The following ERCC8 variants were observed in gnomAD, a reference collection of about 807,000 sequenced individuals.
ERCC8 encodes the protein ERCC excision repair 8, CSA ubiquitin ligase complex subunit, also known as DNA excision repair protein ERCC-8.
In ERCC8, 52 loss-of-function variants were observed where a neutral mutation model predicts 54.9. The ratio of observed to expected loss-of-function variants is 0.95; its 90% CI spans 0.76 to 1.19. ERCC8 has a LOEUF of 1.19. Ranked by LOEUF, ERCC8 falls within the 50% of genes most tolerant of loss-of-function variation. The pLI, the probability that ERCC8 is intolerant of heterozygous loss-of-function variation, is 0.00. For missense variants in ERCC8, 514 were observed against 466.1 expected (o/e 1.10, Z -0.95); for synonymous variants, 146 against 157.2 (o/e 0.93, Z 0.53).
intron 5 of ERCC8, among the ~76,000 whole-genome samples, chr5:60,904,564 C>T (rs921597695): frequency 6.9e-6 from 1 of 145,334 alleles, no homozygotes; most frequent in East Asian, 2.0e-4. Flanking sequence ...CAGCATAGTG[C>T]TTGCCTTGCA....
Position 60,868,267 on chromosome 5 carries a change from G to T in ERCC8, c.*6348C>A, listed in dbSNP as rs1747794049. Among the ~76,000 whole-genome samples the T allele has an allele frequency of 6.6e-6, 1 of 152,178 alleles. No homozygotes were observed. ...ACTTAGTCTTAACATTGACTTAATTGTGTTTTTAGAGACAGAATAACTAAC... is the reference window on the plus strand; with the variant it reads ...ACTTAGTCTTAACATTGACTTAATTTTGTTTTTAGAGACAGAATAACTAAC... On this transcript the variant is annotated 3_prime_UTR_variant, in exon 12 of 12. Coordinates refer to ENST00000676185, the MANE Select transcript of ERCC8 (RefSeq NM_000082.4).
intron 1 of ERCC8, among the ~76,000 whole-genome samples, chr5:60,932,465 T>C (rs1749935630): frequency 6.6e-6 from 1 of 152,236 alleles, no homozygotes; most frequent in Non-Finnish European, 1.5e-5. Flanking sequence ...GGTGCCTTTA[T>C]GAACGGTACC....
intron 1 of ERCC8, among the ~76,000 whole-genome samples, chr5:60,938,048 CATATATAT>C (rs1170248858): frequency 1.7e-3 from 39 of 23,394 alleles, no homozygotes; most frequent in African/African-American, 3.2e-3. Flanking sequence ...TACATACATA[CATATATAT>C]ATATATATAT....
intron 2 of ERCC8, among the ~76,000 whole-genome samples, chr5:60,923,080 C>T (rs1236751261): frequency 9.5e-6 from 1 of 105,744 alleles, no homozygotes; most frequent in African/African-American, 3.6e-5. Flanking sequence ...AGATGAGAGG[C>T]AGGAGCCAAA....
chr5:60,893,177 C>T, intron 9 of ERCC8: 1 of 951,636 alleles, frequency 1.1e-6, no homozygotes, highest in Non-Finnish European at 1.7e-6. Context: ...CTCTGGCATC[C>T]AGGACTTCCA....
rs1160677405 is a variant in ERCC8, at chr5:60,871,246, T to C, written c.*3369A>G. On this transcript the variant is annotated 3_prime_UTR_variant, in exon 12 of 12. Coordinates refer to ENST00000676185, the MANE Select transcript of ERCC8 (RefSeq NM_000082.4). ...GAACAGGGGACCAGCTGAAAACAAC[T>C]GGGGGACATTCACAAAATGCAGTAT... Among the ~76,000 whole-genome samples the C allele has an allele frequency of 1.3e-5, 2 of 152,138 alleles. No individual in the cohort carries two copies. The highest frequency in any genetic ancestry group is 4.8e-5 in the African/African-American group (2 of 41,432).
At chr5:60,938,365 T>C (rs1035867613) in intron 1 of ERCC8, among the ~76,000 whole-genome samples, 1 of 145,374 alleles carries the variant, frequency 6.9e-6, no homozygotes, top group African/African-American at 2.5e-5. Context: ...TTTTTTTTTT[T>C]TTTTTTTGAG....
In ERCC8 at chr5:60,874,446, A is replaced by C. The variant is rs1747936673; in HGVS notation, c.*169T>G. On this transcript the variant is annotated 3_prime_UTR_variant, in exon 12 of 12. Coordinates refer to ENST00000676185, the MANE Select transcript of ERCC8 (RefSeq NM_000082.4). ...ATTTTGACTAAATAAACTATACAGA[A>C]GTCTGTTTTAGGATTTTATGCAAAT... is the stretch of plus-strand genomic sequence containing the variant. 3.1e-6 allele frequency: 2 copies of C among 642,100 alleles called. No individual in the cohort carries two copies. The highest frequency in any genetic ancestry group is 5.5e-6 in the Non-Finnish European group (2 of 365,686). The allele number at this position is 642,100 out of a possible 1,614,324, so 39.8% of individuals were successfully genotyped here.
intron 1 of ERCC8, among the ~76,000 whole-genome samples, chr5:60,939,074 T>G (rs1007188502): frequency 7.9e-5 from 12 of 152,192 alleles, no homozygotes; most frequent in Admixed American, 6.5e-5. Context: ...CTGTTCACCT[T>G]TGTTATGACA....
chr5:60,931,800 T>C (rs1749916741), intron 1 of ERCC8, among the ~76,000 whole-genome samples: 1 of 152,176 alleles, frequency 6.6e-6, no homozygotes, highest in African/African-American at 2.4e-5. Flanking sequence ...ACAGTATCAT[T>C]CAAACATGTA....
intron 1 of ERCC8, among the ~76,000 whole-genome samples, chr5:60,940,303 C>T (rs1403011157): frequency 6.6e-6 from 1 of 152,186 alleles, no homozygotes; most frequent in Non-Finnish European, 1.5e-5. Flanking sequence ...CGCATAGTGG[C>T]CTGCAGAAGC....
intron 11 of ERCC8, among the ~76,000 whole-genome samples, chr5:60,880,425 G>A (rs996494264): frequency 6.6e-6 from 1 of 152,168 alleles, no homozygotes; most frequent in Admixed American, 6.5e-5. Flanking sequence ...TTGCTAGATT[G>A]GGGAAGTTCT....
chr5:60,928,212 C>A (rs571859037), intron 2 of ERCC8, among the ~76,000 whole-genome samples: 3 of 152,258 alleles, frequency 2.0e-5, no homozygotes, highest in East Asian at 1.9e-4. Context: ...TTTTTCAAAG[C>A]ATTTTGGCTG....
At chr5:60,933,216 C>CTTTTTTTTTTTTTTTTT (rs143139297) in intron 1 of ERCC8, among the ~76,000 whole-genome samples, 5 of 89,480 alleles carry the variant, frequency 5.6e-5, no homozygotes, top group Admixed American at 1.7e-4. Context: ...CCTTTTTTTT[C>CTTTTTTTTTTTTTTTTT]TTTTTTTTTT....
intron 11 of ERCC8, among the ~76,000 whole-genome samples, chr5:60,884,003 C>T (rs142663165): frequency 6.6e-6 from 1 of 152,238 alleles, no homozygotes; most frequent in African/African-American, 2.4e-5. Flanking sequence ...AGAAACACCC[C>T]TAAGGGATTA....
chr5:60,876,683 G>A (rs1748019481), intron 11 of ERCC8, among the ~76,000 whole-genome samples: 1 of 152,190 alleles, frequency 6.6e-6, no homozygotes, highest in Non-Finnish European at 1.5e-5. Flanking sequence ...GTCTTCTTTT[G>A]AGAAGTGTTT....
intron 3 of ERCC8, among the ~76,000 whole-genome samples, chr5:60,921,141 T>C (rs1210196092): frequency 1.3e-5 from 2 of 152,008 alleles, no homozygotes; most frequent in Admixed American, 6.6e-5. Context: ...AGGGCATGTA[T>C]ACTGATTTCT....
intron 1 of ERCC8, among the ~76,000 whole-genome samples, chr5:60,934,420 T>C (rs941450743): frequency 1.3e-5 from 2 of 152,164 alleles, no homozygotes; most frequent in Non-Finnish European, 2.9e-5. Flanking sequence ...CCACTTTTTG[T>C]TGGGATTGTT....
chr5:60,893,578 C>T (rs1296511348), intron 9 of ERCC8: 5 of 664,518 alleles, frequency 7.5e-6, no homozygotes, highest in African/African-American at 1.8e-5. Flanking sequence ...GTTTCATCAT[C>T]ATGATCAGCT....
Sources: allele counts gnomAD v4.1 joint callset (sites outside exome capture counted in the v4.1 genomes callset), GRCh38; gene constraint gnomAD v4.1.1; transcripts MANE v1.5; gene names NCBI Gene and HGNC (gene_info 2026-07-23, HGNC 2026-07-21).